The following RAD51B variants were observed in gnomAD, a reference collection of about 807,000 sequenced individuals.
RAD51B encodes the protein RAD51 paralog B.
In RAD51B, 38 loss-of-function variants were observed where a neutral mutation model predicts 42.2. That is an observed-to-expected ratio of 0.90 (90% CI 0.70 to 1.18). RAD51B has a LOEUF of 1.18. Ranked by LOEUF, RAD51B falls within the 50% of genes most tolerant of loss-of-function variation. The pLI, the probability that RAD51B is intolerant of heterozygous loss-of-function variation, is 0.00. For missense variants in RAD51B, 373 were observed against 400.7 expected (o/e 0.93, Z 0.59); for synonymous variants, 154 against 145.2 (o/e 1.06, Z -0.43).
At chr14:68,152,521 C>G (rs998200029) in intron 7 of RAD51B, among the ~76,000 whole-genome samples, 1 of 152,140 alleles carries the variant, frequency 6.6e-6, no homozygotes, top group Admixed American at 6.5e-5. Flanking sequence ...TCATCACTCC[C>G]TAGAATCTCT....
At chr14:68,515,286 A>C (rs371315899) in intron 10 of RAD51B, among the ~76,000 whole-genome samples, 3 of 152,206 alleles carry the variant, frequency 2.0e-5, no homozygotes, top group East Asian at 1.9e-4. Flanking sequence ...CAGAAGAAAC[A>C]GAGCTAGAAG....
At chr14:68,091,387 C>T (rs932078233) in intron 7 of RAD51B, among the ~76,000 whole-genome samples, 7 of 152,046 alleles carry the variant, frequency 4.6e-5, no homozygotes, top group African/African-American at 1.2e-4. Flanking sequence ...TTTTAATGAT[C>T]GCCATACTAA....
At chr14:68,317,053 C>T (rs2082076305) in intron 8 of RAD51B, among the ~76,000 whole-genome samples, 1 of 152,040 alleles carries the variant, frequency 6.6e-6, no homozygotes, top group African/African-American at 2.4e-5. Context: ...AAGAGGGCCA[C>T]CCAGGAAACT....
At chr14:68,393,387 T>C (rs1208086732) in intron 8 of RAD51B, among the ~76,000 whole-genome samples, 2 of 152,220 alleles carry the variant, frequency 1.3e-5, no homozygotes, top group Non-Finnish European at 2.9e-5. Flanking sequence ...AATTGGGATG[T>C]CAAAGTGTGC....
intron 10 of RAD51B, among the ~76,000 whole-genome samples, chr14:68,558,501 G>A (rs1888974914): frequency 6.6e-6 from 1 of 152,224 alleles, no homozygotes; most frequent in Non-Finnish European, 1.5e-5. Flanking sequence ...CCTAAAGGCT[G>A]TGGGGAAGGG....
chr14:68,084,453 A>G (rs756646677), intron 7 of RAD51B, among the ~76,000 whole-genome samples: 9 of 152,196 alleles, frequency 5.9e-5, no homozygotes, highest in Non-Finnish European at 8.8e-5. Context: ...ACTTCTACCC[A>G]CTAGATGCCA....
chr14:68,638,025 G>A (rs1450696913), intron 10 of RAD51B, among the ~76,000 whole-genome samples: 1 of 152,240 alleles, frequency 6.6e-6, no homozygotes, highest in Non-Finnish European at 1.5e-5. Flanking sequence ...TTCAGTCACA[G>A]CTTTTCTCCT....
chr14:68,455,686 C>G (rs2085666700), intron 9 of RAD51B, among the ~76,000 whole-genome samples: 2 of 152,050 alleles, frequency 1.3e-5, no homozygotes, highest in Non-Finnish European at 2.9e-5. Context: ...CGCCACTGCA[C>G]TCCAGCCTGG....
At chr14:68,113,556 T>G (rs576523642) in intron 7 of RAD51B, 2 of 152,246 alleles carry the variant, frequency 1.3e-5, no homozygotes, top group South Asian at 2.1e-4. Context: ...GACTTCTGGT[T>G]GAAGGCTTTC....
At chr14:68,619,295 A>T (rs932180055) in intron 10 of RAD51B, among the ~76,000 whole-genome samples, 1 of 150,464 alleles carries the variant, frequency 6.6e-6, no homozygotes, top group Non-Finnish European at 1.5e-5. Context: ...TAACACGGTG[A>T]AACCCCATCT....
intron 9 of RAD51B, among the ~76,000 whole-genome samples, chr14:68,465,241 T>TA (rs1451212228): frequency 6.6e-6 from 1 of 152,246 alleles, no homozygotes; most frequent in Non-Finnish European, 1.5e-5. Flanking sequence ...AGTTTATTTT[T>TA]ACTGCTATTT....
intron 10 of RAD51B, among the ~76,000 whole-genome samples, chr14:68,616,958 G>A (rs553799132): frequency 2.8e-4 from 42 of 151,990 alleles, no homozygotes; most frequent in African/African-American, 9.6e-4. Flanking sequence ...CTCATTTTAT[G>A]TATGTTTTTC....
At chr14:68,153,708 A>G (rs1345621506) in intron 7 of RAD51B, among the ~76,000 whole-genome samples, 1 of 151,882 alleles carries the variant, frequency 6.6e-6, no homozygotes, top group East Asian at 1.9e-4. Context: ...TACATTTCTT[A>G]TATATGCCGG....
intron 9 of RAD51B, among the ~76,000 whole-genome samples, chr14:68,454,572 C>G (rs1315773430): frequency 6.6e-6 from 1 of 152,188 alleles, no homozygotes; most frequent in Non-Finnish European, 1.5e-5. Flanking sequence ...AGCATGGTAG[C>G]AGCCACTGGA....
At chr14:67,989,795 G>A (rs1447783047) in intron 7 of RAD51B, among the ~76,000 whole-genome samples, 1 of 152,032 alleles carries the variant, frequency 6.6e-6, no homozygotes, top group Non-Finnish European at 1.5e-5. Flanking sequence ...AGCCTTGAGG[G>A]TGTGAGTCTT....
At chr14:68,087,980 T>G (rs1332802124) in intron 7 of RAD51B, among the ~76,000 whole-genome samples, 2 of 128,636 alleles carry the variant, frequency 1.6e-5, no homozygotes, top group Non-Finnish European at 1.6e-5. Context: ...TTATATATAA[T>G]TATATAATAT....
intron 8 of RAD51B, among the ~76,000 whole-genome samples, chr14:68,334,351 A>G (rs1408662187): frequency 2.0e-5 from 3 of 152,212 alleles, no homozygotes; most frequent in Non-Finnish European, 4.4e-5. Context: ...TGTTATTAAG[A>G]AAATCATAAG....
intron 7 of RAD51B, among the ~76,000 whole-genome samples, chr14:67,963,860 T>C (rs2074716305): frequency 6.6e-6 from 1 of 152,024 alleles, no homozygotes. Flanking sequence ...GACTTTTTCA[T>C]GTGTTTAAAA....
chr14:67,871,563 G>A (rs1285604659), intron 5 of RAD51B, among the ~76,000 whole-genome samples: 1 of 152,152 alleles, frequency 6.6e-6, no homozygotes, highest in African/African-American at 2.4e-5. Context: ...TAGAAAAAGA[G>A]GGAATCCTCC....
Sources: gnomAD v4.1 joint callset for allele counts (sites outside exome capture counted in the v4.1 genomes callset) on GRCh38, gnomAD v4.1.1 for gene constraint, MANE v1.5 for transcripts, NCBI Gene and HGNC (gene_info 2026-07-23, HGNC 2026-07-21) for gene names.